ZFP2: variants seen among roughly 807,000 people sequenced by gnomAD.
The protein encoded by ZFP2 is zinc finger protein ZFP2.
A neutral mutation model predicts 36.1 loss-of-function variants in ZFP2; 33 were observed. That is an observed-to-expected ratio of 0.92 (90% CI 0.69 to 1.22). The LOEUF (loss-of-function observed/expected upper bound fraction) is 1.22. ZFP2 is among the 50% of genes most tolerant of loss of function. The pLI, the probability that ZFP2 is intolerant of heterozygous loss-of-function variation, is 0.00. For missense variants in ZFP2, 522 were observed against 551.4 expected (o/e 0.95, Z 0.53); for synonymous variants, 170 against 178.0 (o/e 0.96, Z 0.36).
At chr5:178,912,903 A>T (rs911074113) in intron 2 of ZFP2, 79 bp from the exon 3 acceptor site, 1 of 914,952 alleles carries the variant, frequency 1.1e-6, no homozygotes, top group African/African-American at 1.8e-5. Flanking sequence ...GCCCTGAAGG[A>T]GAAATGATCA....
intron 4 of ZFP2, among the ~76,000 whole-genome samples, chr5:178,918,180 T>G (rs943655675): frequency 6.6e-6 from 1 of 152,240 alleles, no homozygotes; most frequent in Non-Finnish European, 1.5e-5. Flanking sequence ...TTTTTCTGTT[T>G]ATTGCTATAT....
At position 178,932,663 on chromosome 5, in the gene ZFP2, T is replaced by A. The variant is rs770821622; in HGVS notation, c.1350T>A (p.Ser450Arg). 3.1e-6 allele frequency: 5 copies of A among 1,610,684 alleles called. 1 individual carries two copies. The Admixed American group carries it at 6.7e-5, about 22-fold the overall frequency. Reference sequence around the variant, plus strand: ...AATGCGGAAAAGCCTTCAGCCGGAGTACAAACCTTACACGACATCAAAGAA... The same window carrying A: ...AATGCGGAAAAGCCTTCAGCCGGAGAACAAACCTTACACGACATCAAAGAA... ...CNECGKAFSR[S>R]TNLTRHQRTH... Residue 450 changes from serine to arginine, a missense_variant, in exon 5 of 5, where the codon AGT (serine) becomes AGA (arginine). Physicochemically the swap from Ser to Arg is moderately radical, Grantham distance 110. Coordinates refer to ENST00000361362, the MANE Select transcript of ZFP2 (RefSeq NM_030613.4).
rs1758605735 is a variant in ZFP2, at chr5:178,923,611, C to G, written c.-78+6901C>G. Among the ~76,000 whole-genome samples, 3 of 149,518 alleles carry G rather than the reference C, an allele frequency of 2.0e-5. 1 individual carries two copies. The highest frequency in any genetic ancestry group is 4.5e-5 in the Non-Finnish European group (3 of 66,650). ...ATTTAAGACTGTGTTTTGCCTTTCT[C>G]TGCACATGTGTGGAGTGCTGACCAT... On this transcript the variant is annotated intron_variant, in intron 4 of 4. Transcript: ENST00000361362.
chr5:178,931,802 T>C lies in ZFP2; in HGVS notation c.489T>C (p.Cys163=). The C allele has an allele frequency of 6.2e-7, 1 of 1,614,146 alleles. No individual in the cohort carries two copies. Among genetic ancestry groups the C allele is most frequent in the South Asian group, 1.1e-5 (1 of 91,086 alleles). ...AGAAACCCTATAAATGTAATGAATG[T>C]GGGAAAGCCTTTAGTCAGAGCATGA... ...TGEKPYKCNE[C]GKAFSQSMNL... is the part of the protein sequence containing the mutation. The change falls in exon 5 of 5, where the codon TGT becomes TGC. Residue 163 remains cysteine, a synonymous_variant. Transcript: ENST00000361362.
At chr5:178,909,761 C>G (rs1260812885) in intron 1 of ZFP2, 1 of 1,571,894 alleles carries the variant, frequency 6.4e-7, no homozygotes, top group African/African-American at 1.3e-5. Context: ...GTGCACCTCT[C>G]CCTTCCTCTT....
chr5:178,916,684 CACTT>C lies in ZFP2; in HGVS notation c.-99_-96del, dbSNP rs1561682004. On this transcript the variant is annotated 5_prime_UTR_variant, in exon 4 of 5. Transcript: ENST00000361362. ...CTCAGCTCTTCCACAGCCAGCATCT[CACTT>C]ACTTGACACAAAACATCTATAGGTA... is the stretch of plus-strand genomic sequence containing the variant. 1 of 984,942 alleles carries C rather than the reference CACTT, an allele frequency of 1.0e-6. No individual in the cohort carries two copies. The highest frequency in any genetic ancestry group is 1.2e-6 in the Non-Finnish European group (1 of 829,614). 61.0% of individuals were successfully genotyped at this position (984,942 alleles called of 1,614,324 possible). A position where few individuals can be genotyped will look rare whatever the true frequency, so the allele number is the denominator to read the frequency against.
At chr5:178,926,512 G>A (rs557639339) in intron 4 of ZFP2, among the ~76,000 whole-genome samples, 1 of 149,810 alleles carries the variant, frequency 6.7e-6, no homozygotes, top group South Asian at 2.1e-4. Flanking sequence ...CATGTCACCT[G>A]CTGGTATTTT....
At position 178,923,387 on chromosome 5, in the gene ZFP2, A is replaced by G. The variant is rs186853514; in HGVS notation, c.-78+6677A>G. 2.7e-5 allele frequency among the ~76,000 whole-genome samples: 4 copies of G among 149,716 alleles called. 1 individual carries two copies. In the Admixed American group the frequency reaches 2.7e-4, roughly 10 times the overall value. Reference sequence around the variant, plus strand: ...ATACCTCATATGAGTTGAATCATGCAATATTTGTCTTTTCGTGACTGGCTT... The same window carrying G: ...ATACCTCATATGAGTTGAATCATGCGATATTTGTCTTTTCGTGACTGGCTT... On this transcript the variant is annotated intron_variant, in intron 4 of 4. Transcript: ENST00000361362.
chr5:178,916,331 C>CT (rs1260702989), intron 3 of ZFP2, among the ~76,000 whole-genome samples: 1 of 152,160 alleles, frequency 6.6e-6, no homozygotes. Context: ...CAAGTGAAGA[C>CT]TTTTAAGTAC....
intron 1 of ZFP2, among the ~76,000 whole-genome samples, chr5:178,904,512 G>A (rs1006191654): frequency 6.6e-6 from 1 of 151,408 alleles, no homozygotes. Context: ...TTTAAAATAT[G>A]CCAAATTGTC....
intron 1 of ZFP2, among the ~76,000 whole-genome samples, chr5:178,906,034 C>T (rs990951357): frequency 1.5e-4 from 23 of 152,148 alleles, no homozygotes; most frequent in Admixed American, 1.3e-3. Context: ...GTATTACAGG[C>T]GTGAGCCACC....
intron 1 of ZFP2, among the ~76,000 whole-genome samples, chr5:178,903,394 G>A (rs1185728694): frequency 1.3e-5 from 2 of 151,960 alleles, no homozygotes; most frequent in Non-Finnish European, 2.9e-5. Context: ...AAATTTAAAG[G>A]CAATGAGAGA....
intron 4 of ZFP2, among the ~76,000 whole-genome samples, chr5:178,927,445 A>G (rs912878771): frequency 6.6e-6 from 1 of 151,658 alleles, no homozygotes; most frequent in African/African-American, 2.4e-5. Context: ...CTGTTCTCAC[A>G]TTGCTATAAA....
In ZFP2 at chr5:178,906,575, A is replaced by G. The variant is rs1162381920; in HGVS notation, c.-449-6009A>G. Among the ~76,000 whole-genome samples, 3 of 151,394 alleles carry G rather than the reference A, an allele frequency of 2.0e-5. No individual in the cohort carries two copies. The East Asian group carries it at 5.8e-4, about 29-fold the overall frequency. Reference sequence around the variant, plus strand: ...GTCTTTATTTATTTATTTTTTTTTGAGACAGAGTCTCACTCTGTTGCCTAG... The same window carrying G: ...GTCTTTATTTATTTATTTTTTTTTGGGACAGAGTCTCACTCTGTTGCCTAG... On this transcript the variant is annotated intron_variant, in intron 1 of 4. Transcript: ENST00000361362.
chr5:178,931,699 C>T lies in ZFP2; in HGVS notation c.386C>T (p.Pro129Leu). The T allele has an allele frequency of 6.2e-7, 1 of 1,614,136 alleles. No homozygotes were observed. The highest frequency in any genetic ancestry group is 8.5e-7 in the Non-Finnish European group (1 of 1,180,020). The part of the protein sequence containing the change: ...KHQRIHTGEK[P>L]YKCNVCGKHF... ...CAGAGGATTCATACTGGGGAGAAAC[C>T]CTATAAGTGTAATGTATGTGGGAAA... Residue 129 changes from proline (P) to leucine (L), a missense_variant, in exon 5 of 5, where the codon CCC becomes CTC. By Grantham distance (98) the Pro-to-Leu change is moderately conservative (BLOSUM62 -3). Transcript: ENST00000361362.
chr5:178,930,313 CCTT>C (rs1758799881), intron 4 of ZFP2, among the ~76,000 whole-genome samples: 1 of 121,006 alleles, frequency 8.3e-6, no homozygotes, highest in Admixed American at 8.7e-5. Context: ...TTTTCCCTTT[CCTT>C]TTTTTTTTTT....
In ZFP2 at chr5:178,909,865, T is replaced by C. The variant is rs1302126283; in HGVS notation, c.-449-2719T>C. 11 of 1,580,892 alleles carry C rather than the reference T, an allele frequency of 7.0e-6. No homozygotes were observed. In the African/African-American group the frequency reaches 1.5e-4, roughly 21 times the overall value. ...CTGTGGTTGCTGAGGTCAGGGCCAA[T>C]CACCTGAGTGAAGTTAAGGAACATG... On this transcript the variant is annotated intron_variant, in intron 1 of 4. Coordinates refer to ENST00000361362, the MANE Select transcript of ZFP2 (RefSeq NM_030613.4).
chr5:178,898,468 T>A lies in ZFP2; in HGVS notation c.-450+2494T>A, dbSNP rs545592099. Among the ~76,000 whole-genome samples the A allele has an allele frequency of 3.3e-5, 5 of 152,336 alleles. No individual in the cohort carries two copies. The South Asian group carries it at 1.0e-3, about 32-fold the overall frequency. The stretch of plus-strand genomic sequence containing the variant: ...ATGAAGTGAACTTAATACATGAAAA[T>A]CATTTTCTTTATGTAGCTACTATCC... On this transcript the variant is annotated intron_variant, in intron 1 of 4. Coordinates refer to ENST00000361362, the MANE Select transcript of ZFP2 (RefSeq NM_030613.4).
intron 4 of ZFP2, chr5:178,922,023 T>C: frequency 1.4e-6 from 1 of 692,574 alleles, no homozygotes. Context: ...TAAAGCTCCT[T>C]CCGCAGGCAG....
Sources: gnomAD v4.1 joint callset for allele counts (sites outside exome capture counted in the v4.1 genomes callset) on GRCh38, gnomAD v4.1.1 for gene constraint, MANE v1.5 for transcripts, NCBI Gene and HGNC (gene_info 2026-07-23, HGNC 2026-07-21) for gene names.